SMIM23: variants seen among roughly 807,000 people sequenced by gnomAD.
SMIM23 encodes CTB-78H18.1.
Under a neutral mutation model 12.8 loss-of-function variants are expected in SMIM23, and 10 were observed. That is an observed-to-expected ratio of 0.78 (90% CI 0.48 to 1.32). SMIM23 has a LOEUF of 1.32. Among genes scored for constraint, SMIM23 ranks in the 40% most tolerant of loss-of-function variants. SMIM23 has a pLI of 0.00. For missense variants in SMIM23, 184 were observed against 198.2 expected (o/e 0.93, Z 0.43); for synonymous variants, 78 against 80.1 (o/e 0.97, Z 0.14).
rs148497854 is a variant in SMIM23 at position 171,788,554 on chromosome 5, A to G, written c.106-1676A>G. On this transcript the variant is annotated intron_variant, in intron 1 of 3. Coordinates refer to ENST00000523047, the MANE Select transcript of SMIM23 (RefSeq NM_001289970.2). ...TTATCATGACTCTTACAGGCATTAA[A>G]AGAATATTAAGGTAATATTAGGAAC... 1.2e-3 allele frequency among the ~76,000 whole-genome samples: 180 copies of G among 152,304 alleles called. 3 individuals carry two copies. The East Asian group carries it at 0.029, about 25-fold the overall frequency.
chr5:171,778,492 C>CACAG (rs1755676782), upstream of SMIM23, among the ~76,000 whole-genome samples: 1 of 106,400 alleles, frequency 9.4e-6, no homozygotes, highest in African/African-American at 3.5e-5. Context: ...CACACACACA[C>CACAG]AGATAGAGAC....
upstream of SMIM23, chr5:171,782,870 A>G (rs963306551): frequency 6.6e-6 from 1 of 152,222 alleles, no homozygotes; most frequent in Admixed American, 6.5e-5. Context: ...AATAGCCTAG[A>G]GAAGCTGTAG....
rs770772930 is a variant in SMIM23, at chr5:171,785,926, G to A, written c.55G>A (p.Ala19Thr). 1.5e-5 allele frequency: 23 copies of A among 1,536,102 alleles called. No individual in the cohort carries two copies. In the South Asian group the frequency reaches 2.4e-4, roughly 16 times the overall value. ...RRQVAAEQVA[A>T]QLLERRRGSH... Reference sequence around the variant, plus strand: ...GCAGGTGGCAGCAGAGCAGGTGGCAGCCCAGCTGCTTGAACGGAGAAGGGG... The same window carrying A: ...GCAGGTGGCAGCAGAGCAGGTGGCAACCCAGCTGCTTGAACGGAGAAGGGG... Residue 19 changes from alanine (A) to threonine (T), a missense_variant, in exon 1 of 4, where the codon GCC (alanine) becomes ACC (threonine). Ala to Thr is a moderately conservative substitution (Grantham distance 58). Coordinates refer to ENST00000523047, the MANE Select transcript of SMIM23 (RefSeq NM_001289970.2).
chr5:171,777,761 G>A (rs534377562), upstream of SMIM23, among the ~76,000 whole-genome samples: 3 of 152,268 alleles, frequency 2.0e-5, no homozygotes, highest in East Asian at 5.8e-4. Context: ...GGAGGGGAGA[G>A]CGGCAACACT....
chr5:171,781,384 T>C (rs1290763654), upstream of SMIM23, among the ~76,000 whole-genome samples: 1 of 152,122 alleles, frequency 6.6e-6, no homozygotes, highest in African/African-American at 2.4e-5. Flanking sequence ...CATAATAAGA[T>C]TAGGGTGGGG....
At chr5:171,777,905 T>C (rs577023888), upstream of SMIM23, among the ~76,000 whole-genome samples, 1 of 152,322 alleles carries the variant, frequency 6.6e-6, no homozygotes, top group East Asian at 1.9e-4. Context: ...GCAGCTGTCC[T>C]TGCCCAGAGC....
intron 1 of SMIM23, among the ~76,000 whole-genome samples, chr5:171,789,839 T>C (rs1320424784): frequency 6.6e-6 from 1 of 152,182 alleles, no homozygotes; most frequent in Non-Finnish European, 1.5e-5. Flanking sequence ...ACGGAAATGC[T>C]CTACATCTTG....
intron 1 of SMIM23, 100 bp from the exon 2 acceptor site, chr5:171,790,130 T>A (rs1271646316): frequency 3.3e-6 from 4 of 1,203,126 alleles, no homozygotes; most frequent in Non-Finnish European, 4.7e-6. Context: ...AAAACTGTCT[T>A]ATAAGCATTC....
intron 1 of SMIM23, among the ~76,000 whole-genome samples, chr5:171,787,759 T>C (rs1755844168): frequency 6.6e-6 from 1 of 152,228 alleles, no homozygotes; most frequent in Non-Finnish European, 1.5e-5. Context: ...CTTTTGGGGC[T>C]CCGCCCACCT....
At chr5:171,789,124 C>A (rs938116515) in intron 1 of SMIM23, among the ~76,000 whole-genome samples, 2 of 152,232 alleles carry the variant, frequency 1.3e-5, no homozygotes, top group Admixed American at 6.5e-5. Context: ...CGTGCGCCAC[C>A]GCGCCTGGCC....
the SMIM23 span, among the ~76,000 whole-genome samples, chr5:171,776,113 C>T: frequency 3.9e-5 from 6 of 152,204 alleles, no homozygotes; most frequent in African/African-American, 1.4e-4. Context: ...TCAGGTGATC[C>T]ACCCGCCTTG....
chr5:171,790,082 A>T, intron 1 of SMIM23, 148 bp from the exon 2 acceptor site: 1 of 698,558 alleles, frequency 1.4e-6, no homozygotes, highest in Non-Finnish European at 2.4e-6. Flanking sequence ...GTAGTAAGTA[A>T]GTGTGACTTA....
chr5:171,788,173 A>AC, intron 1 of SMIM23, among the ~76,000 whole-genome samples: 1 of 145,784 alleles, frequency 6.9e-6, no homozygotes, highest in Admixed American at 7.0e-5. Context: ...CACACACACA[A>AC]ACACACACAC....
chr5:171,788,627 T>C (rs1344301596), intron 1 of SMIM23, among the ~76,000 whole-genome samples: 1 of 152,242 alleles, frequency 6.6e-6, no homozygotes, highest in African/African-American at 2.4e-5. Context: ...CAAATCTTCC[T>C]TGGCAGTACA....
chr5:171,780,561 T>C (rs926201543), upstream of SMIM23, among the ~76,000 whole-genome samples: 7 of 152,374 alleles, frequency 4.6e-5, no homozygotes, highest in African/African-American at 1.7e-4. Context: ...GTAATTTTTT[T>C]TACTGTAATT....
the SMIM23 span, among the ~76,000 whole-genome samples, chr5:171,775,894 C>T: frequency 6.8e-6 from 1 of 146,406 alleles, no homozygotes; most frequent in African/African-American, 2.6e-5. Flanking sequence ...TTTTTTGAGA[C>T]GAAGTTTCAC....
the SMIM23 span, chr5:171,773,877 C>T: frequency 4.9e-4 from 223 of 456,052 alleles, no homozygotes; most frequent in African/African-American, 4.0e-3. Flanking sequence ...AAACATCTGT[C>T]TGCAGTCCAG....
the SMIM23 span, among the ~76,000 whole-genome samples, chr5:171,773,068 C>T: frequency 3.3e-5 from 5 of 152,246 alleles, no homozygotes; most frequent in East Asian, 1.9e-4. Flanking sequence ...AGGGGCCTGG[C>T]GTGGAGAGCT....
chr5:171,778,783 A>C (rs186243246), upstream of SMIM23, among the ~76,000 whole-genome samples: 1 of 152,280 alleles, frequency 6.6e-6, no homozygotes, highest in East Asian at 1.9e-4. Context: ...ACACCAAGAG[A>C]ATTTAGAATT....
Sources: gnomAD v4.1 joint callset for allele counts (sites outside exome capture counted in the v4.1 genomes callset) on GRCh38, gnomAD v4.1.1 for gene constraint, MANE v1.5 for transcripts, NCBI Gene and HGNC (gene_info 2026-07-23, HGNC 2026-07-21) for gene names.